PKHD1L1: variants seen among roughly 807,000 people sequenced by gnomAD.
PKHD1L1 encodes fibrocystin-L.
In PKHD1L1, 434 loss-of-function variants were observed where a neutral mutation model predicts 462.9. The ratio of observed to expected loss-of-function variants is 0.94; its 90% CI spans 0.87 to 1.02. PKHD1L1 has a LOEUF of 1.02. Among genes scored for constraint, PKHD1L1 ranks in the 50% least tolerant of loss-of-function variants. The pLI, the probability that PKHD1L1 is intolerant of heterozygous loss-of-function variation, is 0.00. For synonymous variants in PKHD1L1, 1,781 were observed against 1,750.0 expected (o/e 1.02, Z -0.44); for missense variants, 5,202 against 5,096.1 (o/e 1.02, Z -0.63).
intron 18 of PKHD1L1, among the ~76,000 whole-genome samples, chr8:109,408,739 A>G (rs549638408): frequency 1.6e-4 from 25 of 152,344 alleles, no homozygotes; most frequent in African/African-American, 5.8e-4. Context: ...GGTCAAAAAG[A>G]TCAATGAGAT....
rs1218771673 is a variant in PKHD1L1 at position 109,409,942 on chromosome 8, G to A, written c.2049G>A (p.Val683=). ...CAAATTTTGAAGAAGGATTTGTTGT[G>A]AAATATTTCAGAGACTATGAAACTG... The part of the protein sequence containing the change: ...QIANFEEGFV[V]KYFRDYETDF... Residue 683 remains valine (V), a synonymous_variant, in exon 19 of 78, where the codon GTG becomes GTA. Coordinates refer to ENST00000378402, the MANE Select transcript of PKHD1L1 (RefSeq NM_177531.6). The A allele has an allele frequency of 1.2e-6, 2 of 1,604,082 alleles. No individual in the cohort carries two copies. Among genetic ancestry groups the A allele is most frequent in the Non-Finnish European group, 1.7e-6 (2 of 1,174,998 alleles).
Position 109,382,505 on chromosome 8 carries a change from C to T in PKHD1L1, c.351C>T (p.Asp117=), listed in dbSNP as rs745725110. Residue 117 remains aspartate, a synonymous_variant, in exon 4 of 78, where the codon GAC becomes GAT. Transcript: ENST00000378402. ...EDSYTVRVSV[D]GVPVTENNTC... is the part of the protein sequence containing the mutation. ...CCTACACTGTTAGAGTCAGTGTGGA[C>T]GGGGTTCCTGTTACGGAAAATAACA... The T allele has an allele frequency of 2.2e-5, 36 of 1,612,068 alleles. No individual in the cohort carries two copies. Among genetic ancestry groups the T allele is most frequent in the African/African-American group, 1.5e-4 (11 of 74,864 alleles).
Position 109,457,302 on chromosome 8 carries a change from G to T in PKHD1L1, c.7004+911G>T, listed in dbSNP as rs1586556327. ...AATTAAATATATACTTAGCTTTAGT[G>T]CTCATTTTGTTCTGCCCTTGGAAGA... On this transcript the variant is annotated intron_variant, in intron 46 of 77. Coordinates refer to ENST00000378402, the MANE Select transcript of PKHD1L1 (RefSeq NM_177531.6). Among the ~76,000 whole-genome samples, 7 of 152,102 alleles carry T rather than the reference G, an allele frequency of 4.6e-5. No homozygotes were observed. The South Asian group carries it at 1.5e-3, about 32-fold the overall frequency.
Position 109,483,003 on chromosome 8 carries a change from G to A in PKHD1L1, c.9474G>A (p.Leu3158=). The A allele has an allele frequency of 6.3e-7, 1 of 1,592,196 alleles. No individual in the cohort carries two copies. Among genetic ancestry groups the A allele is most frequent in the Non-Finnish European group, 8.6e-7 (1 of 1,169,434 alleles). The part of the protein sequence containing the change: ...GAKVLGVFGE[L]DLHGIPHSIY... Reference sequence around the variant, plus strand: ...CTTCTTTAGGGGTGTTTGGTGAGCTGGATCTTCATGGAATTCCACATTCAA... The same window carrying A: ...CTTCTTTAGGGGTGTTTGGTGAGCTAGATCTTCATGGAATTCCACATTCAA... The change falls in exon 57 of 78, where the codon CTG becomes CTA. Residue 3158 remains leucine (L), a synonymous_variant. Transcript: ENST00000378402.
chr8:109,411,542 T>C (rs1198975112), intron 19 of PKHD1L1, among the ~76,000 whole-genome samples: 2 of 152,158 alleles, frequency 1.3e-5, no homozygotes, highest in East Asian at 3.9e-4. Context: ...GTACATGTAA[T>C]TTACCTCCTA....
At chr8:109,484,433 G>A (rs1384726669) in intron 57 of PKHD1L1, among the ~76,000 whole-genome samples, 2 of 151,890 alleles carry the variant, frequency 1.3e-5, no homozygotes, top group Non-Finnish European at 2.9e-5. Flanking sequence ...AATATCTATT[G>A]ATTTCAAATA....
Position 109,486,807 on chromosome 8 carries a change from T to A in PKHD1L1, c.9866T>A (p.Met3289Lys). Residue 3289 changes from methionine (M) to lysine (K), a missense_variant, in exon 59 of 78, where the codon ATG becomes AAG. By Grantham distance (95) the Met-to-Lys change is moderately conservative. This residue lies in a region of PKHD1L1 where 4,497 missense variants were observed against 4,336.8 expected (regional missense o/e 1.04). Coordinates refer to ENST00000378402, the MANE Select transcript of PKHD1L1 (RefSeq NM_177531.6). ...CTGGTTGGCTCATTCACTGAAAATA[T>A]GATGACATTTAAAGGTTGGTATCAA... ...RVLVGSFTEN[M>K]MTFKGNARIS... 1 of 1,611,872 alleles carries A rather than the reference T, an allele frequency of 6.2e-7. No individual in the cohort carries two copies. Among genetic ancestry groups the A allele is most frequent in the Non-Finnish European group, 8.5e-7 (1 of 1,178,522 alleles).
intron 24 of PKHD1L1, among the ~76,000 whole-genome samples, chr8:109,425,577 A>T: frequency 6.6e-6 from 1 of 152,018 alleles, no homozygotes; most frequent in East Asian, 1.9e-4. Context: ...ATTTATAACA[A>T]TTTTTTATAG....
chr8:109,384,527 T>C (rs2130442492), intron 5 of PKHD1L1, among the ~76,000 whole-genome samples: 1 of 152,052 alleles, frequency 6.6e-6, no homozygotes, highest in East Asian at 1.9e-4. Context: ...AGATCCTATC[T>C]GAAAAAAAAG....
intron 70 of PKHD1L1, among the ~76,000 whole-genome samples, chr8:109,509,218 C>A (rs1819851779): frequency 6.6e-6 from 1 of 152,026 alleles, no homozygotes; most frequent in South Asian, 2.1e-4. Context: ...CTGTGACCTG[C>A]AGTTAACCCA....
intron 4 of PKHD1L1, 29 bp downstream of exon 4, chr8:109,382,600 G>A: frequency 1.9e-6 from 3 of 1,554,166 alleles, no homozygotes; most frequent in African/African-American, 1.4e-5. Flanking sequence ...TTCAGTTTAT[G>A]TATAGTTGAT....
chr8:109,484,110 T>G (rs1457281), intron 57 of PKHD1L1, among the ~76,000 whole-genome samples: 73,521 of 151,586 alleles, frequency 0.49, 19,542 homozygotes, highest in African/African-American at 0.7. Flanking sequence ...AAACATATGG[T>G]TTTGCTCTCT....
At chr8:109,509,753 T>C (rs1819876242) in intron 70 of PKHD1L1, among the ~76,000 whole-genome samples, 1 of 152,052 alleles carries the variant, frequency 6.6e-6, no homozygotes, top group South Asian at 2.1e-4. Flanking sequence ...ATTTATATTT[T>C]GTATGCTAAG....
chr8:109,488,593 T>A (rs1028172519), intron 59 of PKHD1L1, among the ~76,000 whole-genome samples: 4 of 152,172 alleles, frequency 2.6e-5, no homozygotes, highest in African/African-American at 9.6e-5. Context: ...TGATTTGAAC[T>A]GTTTCTGCAG....
In PKHD1L1 at chr8:109,408,144, T is replaced by C; in HGVS notation, c.1909T>C (p.Phe637Leu). 6.2e-7 allele frequency: 1 copy of C among 1,613,384 alleles called. No homozygotes were observed. Among genetic ancestry groups the C allele is most frequent in the Non-Finnish European group, 8.5e-7 (1 of 1,179,514 alleles). Residue 637 changes from phenylalanine (F) to leucine (L), a missense_variant, in exon 18 of 78, where the codon TTC (phenylalanine) becomes CTC (leucine). Physicochemically the swap from Phe to Leu is conservative, Grantham distance 22 (BLOSUM62 0). Around this residue, in one of 3 missense-constraint regions of PKHD1L1, gnomAD observed 4,497 missense variants for 4,336.8 expected, o/e 1.04. Coordinates refer to ENST00000378402, the MANE Select transcript of PKHD1L1 (RefSeq NM_177531.6). Reference protein sequence around the residue: ...QTKGKPNLETFTLNWDGIASK... With the variant: ...QTKGKPNLETLTLNWDGIASK... Reference sequence around the variant, plus strand: ...CAAAGGAAAACCCAACTTGGAGACATTCACACTGAATTGGGATGGGATCGC... The same window carrying C: ...CAAAGGAAAACCCAACTTGGAGACACTCACACTGAATTGGGATGGGATCGC...
At chr8:109,479,943 G>C in intron 54 of PKHD1L1, 48 bp from the exon 55 acceptor site, 1 of 1,483,156 alleles carries the variant, frequency 6.7e-7, no homozygotes, top group South Asian at 1.4e-5. Flanking sequence ...TTTGCTATAA[G>C]TTGTAGTTTA....
At chr8:109,521,989 A>C (rs1820574733) in intron 73 of PKHD1L1, among the ~76,000 whole-genome samples, 197 bp from the exon 74 acceptor site, 1 of 152,082 alleles carries the variant, frequency 6.6e-6, no homozygotes, top group South Asian at 2.1e-4. Context: ...ATTCCAACTT[A>C]AAATATATTC....
chr8:109,524,499 C>G (rs574835084), intron 76 of PKHD1L1, among the ~76,000 whole-genome samples: 1 of 152,064 alleles, frequency 6.6e-6, no homozygotes, highest in Non-Finnish European at 1.5e-5. Context: ...AAGAAGTTTG[C>G]TCACCTCCTC....
At chr8:109,367,242 A>AT (rs1353654634) in intron 2 of PKHD1L1, among the ~76,000 whole-genome samples, 2 of 152,314 alleles carry the variant, frequency 1.3e-5, no homozygotes, top group East Asian at 3.9e-4. Flanking sequence ...GAGGGACTAT[A>AT]TTCATGTACA....
Sources: allele counts gnomAD v4.1 joint callset (sites outside exome capture counted in the v4.1 genomes callset), GRCh38; gene constraint gnomAD v4.1.1; regional missense constraint gnomAD v4.1.1; transcripts MANE v1.5; gene names NCBI Gene and HGNC (gene_info 2026-07-23, HGNC 2026-07-21).